The following RMDN2 variants were observed in gnomAD, a reference collection of about 807,000 sequenced individuals.
RMDN2 encodes regulator of microtubule dynamics 2, also known as regulator of microtubule dynamics protein 2.
In RMDN2, 61 loss-of-function variants were observed where a neutral mutation model predicts 52.8. The ratio of observed to expected loss-of-function variants is 1.16; its 90% confidence interval spans 0.94 to 1.43. The LOEUF is 1.43. RMDN2 is among the 40% of genes most tolerant of loss of function. RMDN2 has a pLI of 0.00. For synonymous variants in RMDN2, 180 were observed against 153.1 expected (o/e 1.18, Z -1.30); for missense variants, 592 against 475.3 (o/e 1.25, Z -2.28).
At chr2:37,921,803 T>C (rs1487314248), upstream of RMDN2, among the ~76,000 whole-genome samples, 1 of 152,246 alleles carries the variant, frequency 6.6e-6, no homozygotes, top group Non-Finnish European at 1.5e-5. Context: ...TCTTCACCTC[T>C]TGAAGCCTTG....
intron 2 of RMDN2, chr2:37,950,499 C>A: frequency 6.2e-7 from 1 of 1,612,488 alleles, no homozygotes; most frequent in South Asian, 1.1e-5. Flanking sequence ...CTGACCTGTT[C>A]CACCTCTACA....
chr2:37,981,382 C>G, intron 5 of RMDN2, 39 bp downstream of exon 5: 1 of 1,294,308 alleles, frequency 7.7e-7, no homozygotes, highest in Non-Finnish European at 1.1e-6. Flanking sequence ...TAAATTCTAA[C>G]CTGCCTCTTT....
chr2:38,045,529 C>T (rs10192788), intron 10 of RMDN2, among the ~76,000 whole-genome samples: 44,384 of 152,086 alleles, frequency 0.29, 8,041 homozygotes, highest in South Asian at 0.49. Flanking sequence ...GAACAAGGAG[C>T]TTTAGAAATC....
chr2:37,933,507 C>T (rs967648776), intron 2 of RMDN2, among the ~76,000 whole-genome samples: 1 of 152,270 alleles, frequency 6.6e-6, no homozygotes, highest in Non-Finnish European at 1.5e-5. Context: ...AACCAGACTC[C>T]GTCTGCAATC....
At chr2:38,041,319 T>C (rs1680935048) in intron 10 of RMDN2, among the ~76,000 whole-genome samples, 1 of 152,198 alleles carries the variant, frequency 6.6e-6, no homozygotes, top group Non-Finnish European at 1.5e-5. Flanking sequence ...TGTTTTCTTT[T>C]AGAGGTTTTA....
intron 10 of RMDN2, among the ~76,000 whole-genome samples, chr2:38,040,457 A>G (rs1457099762): frequency 6.6e-6 from 1 of 152,146 alleles, no homozygotes; most frequent in East Asian, 1.9e-4. Context: ...TGTCCCTTCC[A>G]TCATGTAAGG....
downstream of RMDN2, among the ~76,000 whole-genome samples, chr2:38,021,355 C>T (rs535786304): frequency 2.0e-4 from 31 of 152,114 alleles, no homozygotes; most frequent in Non-Finnish European, 2.8e-4. Flanking sequence ...AAAAGGCTGC[C>T]GGAACCAGCA....
intron 10 of RMDN2, among the ~76,000 whole-genome samples, chr2:38,044,551 A>T (rs1343827870): frequency 6.7e-6 from 1 of 149,370 alleles, no homozygotes; most frequent in Non-Finnish European, 1.5e-5. Context: ...CACAGTTGTT[A>T]TATGTTCTGT....
At chr2:38,026,548 A>T (rs187220856) in intron 10 of RMDN2, among the ~76,000 whole-genome samples, 55 of 151,474 alleles carry the variant, frequency 3.6e-4, no homozygotes, top group Admixed American at 6.6e-4. Context: ...TACGCTTCTA[A>T]TTTCTTAAGG....
intron 7 of RMDN2, among the ~76,000 whole-genome samples, chr2:37,996,601 G>GAAA (rs1161536445): frequency 1.7e-5 from 1 of 58,006 alleles, no homozygotes; most frequent in African/African-American, 7.6e-5. Flanking sequence ...AAAAAAAAAA[G>GAAA]AAAAAAAAAA....
At position 37,988,596 on chromosome 2, in the gene RMDN2, T is replaced by A. The variant is rs142021968; in HGVS notation, c.792-945T>A. ...AAAATTATTCACTGTTTTTTTGTAC[T>A]TGGAAGTTATGGATATTCATAGAAA... is the stretch of plus-strand genomic sequence containing the variant. On this transcript the variant is annotated intron_variant, in intron 5 of 10. Transcript: ENST00000354545. 5.8e-3 allele frequency among the ~76,000 whole-genome samples: 880 copies of A among 152,318 alleles called. 11 individuals are homozygous for A. The South Asian group carries it at 0.059, about 10-fold the overall frequency.
At chr2:38,023,131 G>C (rs1176292719) in intron 10 of RMDN2, among the ~76,000 whole-genome samples, 1 of 152,174 alleles carries the variant, frequency 6.6e-6, no homozygotes, top group Non-Finnish European at 1.5e-5. Context: ...AGAAACATTT[G>C]ATATTACCCC....
intron 10 of RMDN2, among the ~76,000 whole-genome samples, chr2:38,046,704 G>T (rs1024746560): frequency 6.6e-6 from 1 of 152,088 alleles, no homozygotes; most frequent in African/African-American, 2.4e-5. Flanking sequence ...AAGAATCCAG[G>T]CCCGGTGCGG....
chr2:37,948,143 A>T (rs1668379363), intron 2 of RMDN2, among the ~76,000 whole-genome samples: 1 of 152,152 alleles, frequency 6.6e-6, no homozygotes. Context: ...TGCCTGTGAG[A>T]GTGTGGGAAA....
intron 2 of RMDN2, among the ~76,000 whole-genome samples, chr2:37,965,772 CCT>C (rs1670960058): frequency 6.6e-6 from 1 of 152,028 alleles, no homozygotes; most frequent in Non-Finnish European, 1.5e-5. Flanking sequence ...TTGAGGGACT[CCT>C]TTTAGCATTT....
At chr2:37,994,815 A>C (rs1421488802) in intron 7 of RMDN2, among the ~76,000 whole-genome samples, 2 of 152,238 alleles carry the variant, frequency 1.3e-5, no homozygotes, top group African/African-American at 4.8e-5. Flanking sequence ...ATATATGCTC[A>C]CACAAAGACT....
At chr2:37,954,467 A>G (rs1276924345) in intron 2 of RMDN2, among the ~76,000 whole-genome samples, 2 of 152,046 alleles carry the variant, frequency 1.3e-5, no homozygotes, top group African/African-American at 4.8e-5. Context: ...CCCTTTCTCC[A>G]TTGAATGGTC....
At chr2:38,053,238 T>C (rs1476861932) in intron 10 of RMDN2, among the ~76,000 whole-genome samples, 1 of 152,198 alleles carries the variant, frequency 6.6e-6, no homozygotes, top group Non-Finnish European at 1.5e-5. Context: ...GCTGTCTAAA[T>C]ATAATTGCCA....
At chr2:37,955,968 A>AT (rs5830512) in intron 2 of RMDN2, among the ~76,000 whole-genome samples, 126,251 of 151,982 alleles carry the variant, frequency 0.83, 52,649 homozygotes, top group Admixed American at 0.92. Flanking sequence ...TTCATTCAGA[A>AT]TTTTTTTGTC....
Sources: allele counts gnomAD v4.1 joint callset (sites outside exome capture counted in the v4.1 genomes callset), GRCh38; gene constraint gnomAD v4.1.1; transcripts MANE v1.5; gene names NCBI Gene and HGNC (gene_info 2026-07-23, HGNC 2026-07-21).